LRGUK: variants seen among roughly 807,000 people sequenced by gnomAD.
LRGUK encodes the protein leucine-rich repeat and guanylate kinase domain-containing protein.
Under a neutral mutation model 76.0 loss-of-function variants are expected in LRGUK, and 65 were observed. The observed-to-expected ratio is 0.85, with a 90% CI of 0.70 to 1.05. The LOEUF is 1.05. Ranked by LOEUF, LRGUK falls within the 50% of genes least tolerant of loss-of-function variation. The pLI is 0.00. For synonymous variants in LRGUK, 268 were observed against 265.6 expected, an observed-to-expected ratio of 1.01 and a Z score of -0.09; for missense variants, 758 against 732.8, an observed-to-expected ratio of 1.03 and a Z score of -0.40.
At chr7:134,191,583 T>C (rs922418061) in intron 11 of LRGUK, 72 bp from the exon 12 acceptor site, 36 of 1,000,484 alleles carry the variant, frequency 3.6e-5, no homozygotes, top group Non-Finnish European at 5.0e-5. Flanking sequence ...TAAAACATAA[T>C]TTATATTGAA....
intron 16 of LRGUK, among the ~76,000 whole-genome samples, chr7:134,233,256 C>T (rs987862728): frequency 4.6e-5 from 7 of 152,204 alleles, no homozygotes; most frequent in African/African-American, 1.4e-4. Context: ...GTTAAGGCTT[C>T]TTGCTCTGGA....
intron 15 of LRGUK, among the ~76,000 whole-genome samples, chr7:134,207,484 C>T (rs1026793945): frequency 4.6e-5 from 7 of 152,184 alleles, no homozygotes; most frequent in Non-Finnish European, 8.8e-5. Context: ...ATGAACAGGA[C>T]ACCCCCTCAG....
chr7:134,227,711 A>G (rs905975830), intron 16 of LRGUK, among the ~76,000 whole-genome samples: 1 of 152,214 alleles, frequency 6.6e-6, no homozygotes, highest in African/African-American at 2.4e-5. Flanking sequence ...AGTGGAGACA[A>G]TAAAAAATAA....
At chr7:134,267,864 C>T (rs765137799), downstream of LRGUK, among the ~76,000 whole-genome samples, 11 of 151,988 alleles carry the variant, frequency 7.2e-5, no homozygotes, top group Non-Finnish European at 1.3e-4. Flanking sequence ...AAGCCCAAAC[C>T]TCAGCATCAT....
At chr7:134,156,472 TA>T (rs1324310508) in intron 5 of LRGUK, among the ~76,000 whole-genome samples, 3 of 152,220 alleles carry the variant, frequency 2.0e-5, no homozygotes, top group Admixed American at 1.3e-4. Context: ...ATGTGAGTGT[TA>T]AAAAAATAAG....
intron 19 of LRGUK, among the ~76,000 whole-genome samples, chr7:134,259,329 G>T (rs987483001): frequency 2.0e-4 from 31 of 152,182 alleles, no homozygotes; most frequent in African/African-American, 7.5e-4. Context: ...ATGGGAATGG[G>T]AGAGAATAAT....
intron 7 of LRGUK, among the ~76,000 whole-genome samples, chr7:134,169,302 G>C (rs1017702290): frequency 1.2e-4 from 18 of 152,200 alleles, no homozygotes; most frequent in East Asian, 9.7e-4. Context: ...GGTAGGGAAG[G>C]GTTCTCCTCC....
At chr7:134,179,151 C>T (rs1340588969) in intron 10 of LRGUK, among the ~76,000 whole-genome samples, 1 of 152,114 alleles carries the variant, frequency 6.6e-6, no homozygotes, top group African/African-American at 2.4e-5. Context: ...CTGAAACAGT[C>T]TTTGCACTAA....
intron 16 of LRGUK, among the ~76,000 whole-genome samples, chr7:134,246,724 A>G (rs1211994437): frequency 3.9e-5 from 6 of 152,226 alleles, no homozygotes; most frequent in Admixed American, 2.6e-4. Context: ...GCAAAGATTA[A>G]TGTATTTTAA....
intron 7 of LRGUK, among the ~76,000 whole-genome samples, chr7:134,170,900 T>A (rs774172311): frequency 6.6e-6 from 1 of 152,234 alleles, no homozygotes; most frequent in Non-Finnish European, 1.5e-5. Context: ...TTGATCTGTC[T>A]GTTGATTCTT....
chr7:134,176,244 G>T (rs966263979), intron 8 of LRGUK, among the ~76,000 whole-genome samples: 2 of 152,150 alleles, frequency 1.3e-5, no homozygotes, highest in African/African-American at 4.8e-5. Context: ...AGGAGGGAGA[G>T]TATCAGGATA....
intron 11 of LRGUK, among the ~76,000 whole-genome samples, chr7:134,184,139 C>G (rs1227458594): frequency 1.3e-5 from 2 of 152,132 alleles, no homozygotes; most frequent in Non-Finnish European, 2.9e-5. Context: ...ATGTGATTAC[C>G]TGGTTCTGGA....
intron 15 of LRGUK, among the ~76,000 whole-genome samples, chr7:134,218,545 T>C (rs895184149): frequency 6.6e-6 from 1 of 152,254 alleles, no homozygotes; most frequent in Admixed American, 6.5e-5. Flanking sequence ...AAAATATTTA[T>C]AACTTGACCC....
chr7:134,136,936 AC>A, intron 1 of LRGUK, 86 bp from the exon 2 acceptor site: 1 of 1,144,262 alleles, frequency 8.7e-7, no homozygotes, highest in Non-Finnish European at 1.3e-6. Context: ...TATAAAATAT[AC>A]TAAATAAGTG....
intron 15 of LRGUK, among the ~76,000 whole-genome samples, chr7:134,207,378 C>A (rs139054668): frequency 2.6e-5 from 4 of 152,194 alleles, no homozygotes; most frequent in African/African-American, 9.6e-5. Context: ...TGCCTACTCT[C>A]GATATTTTCA....
At chr7:134,207,878 G>T (rs1407693754) in intron 15 of LRGUK, among the ~76,000 whole-genome samples, 4 of 152,206 alleles carry the variant, frequency 2.6e-5, no homozygotes, top group Non-Finnish European at 5.9e-5. Flanking sequence ...AATCCGTCTA[G>T]TGAACAAGCG....
At chr7:134,171,644 A>T (rs1002516706) in intron 7 of LRGUK, among the ~76,000 whole-genome samples, 1 of 152,094 alleles carries the variant, frequency 6.6e-6, no homozygotes, top group East Asian at 1.9e-4. Context: ...AAAGGAGGTG[A>T]GAGAATGCGC....
chr7:134,263,916 A>G lies in LRGUK; in HGVS notation c.2419A>G (p.Ser807Gly), dbSNP rs146351907. 1.1e-4 allele frequency: 180 copies of G among 1,612,974 alleles called. 1 individual carries two copies. The African/African-American group carries it at 2.1e-3, about 19-fold the overall frequency. The change falls in exon 20 of 20, where the codon AGT becomes GGT. Residue 807 changes from serine (S) to glycine (G), a missense_variant. By Grantham distance (56) the Ser-to-Gly change is moderately conservative. Coordinates refer to the LRGUK transcript ENST00000285928. The stretch of plus-strand genomic sequence containing the variant: ...CAGACAACACTCGGTCCCAGTCATC[A>G]GTCGCCCAGGTTCCAACGTCAAACC...
At chr7:134,203,969 C>G (rs543041696) in intron 15 of LRGUK, among the ~76,000 whole-genome samples, 127 of 152,224 alleles carry the variant, frequency 8.3e-4, no homozygotes, top group African/African-American at 2.8e-3. Flanking sequence ...GGGGCTGTAC[C>G]CTACGTTACC....
Sources: allele counts gnomAD v4.1 joint callset (sites outside exome capture counted in the v4.1 genomes callset), GRCh38; gene constraint gnomAD v4.1.1; transcripts MANE v1.5; gene names NCBI Gene and HGNC (gene_info 2026-07-23, HGNC 2026-07-21).